The following SLCO1A2 variants were observed in gnomAD, a reference collection of about 807,000 sequenced individuals.
SLCO1A2 encodes OATP-1.
SLCO1A2 carries 67 observed loss-of-function variants against 69.0 expected under a neutral mutation model. The ratio of observed to expected loss-of-function variants is 0.97; its 90% CI spans 0.80 to 1.19. The LOEUF is 1.19. SLCO1A2 is among the 50% of genes most tolerant of loss of function. The pLI is 0.00. For missense variants in SLCO1A2, 787 were observed against 793.7 expected (o/e 0.99, Z 0.10); for synonymous variants, 260 against 265.9 (o/e 0.98, Z 0.22).
intron 1 of SLCO1A2, among the ~76,000 whole-genome samples, chr12:21,410,314 T>A (rs1941887701): frequency 6.6e-6 from 1 of 152,234 alleles, no homozygotes; most frequent in African/African-American, 2.4e-5. Context: ...CATGTGTGCC[T>A]GTGTGTATGT....
chr12:21,344,898 A>T (rs1365494570), intron 2 of SLCO1A2, among the ~76,000 whole-genome samples: 1 of 152,012 alleles, frequency 6.6e-6, no homozygotes, highest in African/African-American at 2.4e-5. Context: ...TAATTGCAAT[A>T]TTGCTTCTAC....
chr12:21,362,465 T>C lies in SLCO1A2; in HGVS notation c.-63+11934A>G, dbSNP rs117237628. On this transcript the variant is annotated intron_variant, in intron 2 of 15. Transcript: ENST00000307378. ...AAAACATGCCAAATTGTAAAGACCA[T>C]TGGTACTAGGAGGAAACTGCATCAA... Among the ~76,000 whole-genome samples, 243 of 152,172 alleles carry C rather than the reference T, an allele frequency of 1.6e-3. 2 individuals are homozygous for C. The East Asian group carries it at 0.039, about 25-fold the overall frequency.
chr12:21,294,315 T>G (rs1414996634), intron 10 of SLCO1A2: 2 of 387,398 alleles, frequency 5.2e-6, no homozygotes, highest in Non-Finnish European at 9.1e-6. Context: ...CCTTCAATGA[T>G]TTATCTCAGA....
intron 13 of SLCO1A2, chr12:21,274,920 A>ATCT: frequency 9.5e-7 from 1 of 1,054,164 alleles, no homozygotes; most frequent in Non-Finnish European, 1.1e-6. Context: ...TTATTTTCAA[A>ATCT]TCTTCAAACA....
intron 2 of SLCO1A2, chr12:21,372,883 G>A (rs1939901133): frequency 5.1e-6 from 1 of 196,072 alleles, no homozygotes; most frequent in Admixed American, 5.6e-5. Context: ...TATAAGAGCT[G>A]GATTACTAGT....
intron 4 of SLCO1A2, among the ~76,000 whole-genome samples, chr12:21,310,668 T>C (rs1024324374): frequency 6.6e-6 from 1 of 152,228 alleles, no homozygotes; most frequent in African/African-American, 2.4e-5. Flanking sequence ...AGTGGCACGA[T>C]CTCGGCGCAC....
intron 3 of SLCO1A2, among the ~76,000 whole-genome samples, chr12:21,318,245 A>C (rs1334002555): frequency 6.6e-6 from 1 of 151,830 alleles, no homozygotes; most frequent in African/African-American, 2.4e-5. Context: ...CAGCCTCCCA[A>C]GTAGCTGGGA....
intron 1 of SLCO1A2, among the ~76,000 whole-genome samples, chr12:21,402,265 G>A (rs12308181): frequency 0.053 from 8,068 of 151,758 alleles, 267 homozygotes; most frequent in African/African-American, 0.075. Flanking sequence ...TGTTTGAAAC[G>A]TATATGAGAG....
In SLCO1A2 at chr12:21,276,165, C is replaced by T. The variant is rs115493589; in HGVS notation, c.1611-741G>A. Among the ~76,000 whole-genome samples the T allele has an allele frequency of 4.2e-3, 644 of 152,170 alleles. 9 individuals are homozygous for T. The highest frequency in any genetic ancestry group is 0.015 in the African/African-American group (618 of 41,526). On this transcript the variant is annotated intron_variant, in intron 12 of 14. Coordinates refer to ENST00000683939, the MANE Select transcript of SLCO1A2 (RefSeq NM_001386879.1). ...AAGGTTTGGAAGTGAAAAGACAAAA[C>T]TTGTCATATTTGCACATTGAAAAAC... is the stretch of plus-strand genomic sequence containing the variant.
At chr12:21,334,321 G>A (rs1043966220) in intron 2 of SLCO1A2, among the ~76,000 whole-genome samples, 1 of 152,024 alleles carries the variant, frequency 6.6e-6, no homozygotes, top group African/African-American at 2.4e-5. Flanking sequence ...TCCTGCCACA[G>A]TATGTGTGCC....
chr12:21,402,102 A>C (rs1941724977), intron 1 of SLCO1A2, among the ~76,000 whole-genome samples: 1 of 150,892 alleles, frequency 6.6e-6, no homozygotes, highest in African/African-American at 2.4e-5. Flanking sequence ...AATAAGAGTA[A>C]TGTTAGGTTA....
intron 2 of SLCO1A2, among the ~76,000 whole-genome samples, chr12:21,331,205 G>A (rs191264863): frequency 5.2e-4 from 79 of 152,166 alleles, no homozygotes; most frequent in African/African-American, 1.8e-3. Context: ...GAAAGGGTGA[G>A]TGATGCCTTT....
At chr12:21,299,561 GT>G (rs928303052) in intron 8 of SLCO1A2, among the ~76,000 whole-genome samples, 223 of 143,326 alleles carry the variant, frequency 1.6e-3, no homozygotes, top group Admixed American at 2.0e-3. Context: ...CACCGATCAT[GT>G]TTTTTTTTTT....
chr12:21,386,921 A>G (rs141828007), intron 1 of SLCO1A2, among the ~76,000 whole-genome samples: 5,057 of 152,244 alleles, frequency 0.033, 131 homozygotes, highest in Non-Finnish European at 0.049. Flanking sequence ...GGAACTTCCT[A>G]GAGACTTGTT....
rs752423997 is a variant in SLCO1A2 at position 21,269,777 on chromosome 12, T to A, written c.1794-10A>T. The A allele has an allele frequency of 4.4e-6, 7 of 1,597,788 alleles. No individual in the cohort carries two copies. Among genetic ancestry groups the A allele is most frequent in the Non-Finnish European group, 6.0e-6 (7 of 1,170,792 alleles). On this transcript the variant is annotated splice_polypyrimidine_tract_variant and intron_variant, in intron 14 of 14. Coordinates refer to ENST00000683939, the MANE Select transcript of SLCO1A2 (RefSeq NM_001386879.1). ...TCCGAGGTAGATGTATCTATTTTTT[T>A]AAAAGTTAAAACATATTAAATATTA... is the stretch of plus-strand genomic sequence containing the variant.
At chr12:21,315,447 G>GT (rs1474372466) in intron 3 of SLCO1A2, among the ~76,000 whole-genome samples, 1 of 152,140 alleles carries the variant, frequency 6.6e-6, no homozygotes, top group East Asian at 1.9e-4. Context: ...ATACGAATAA[G>GT]TTTTTTGCAA....
At chr12:21,374,043 T>C (rs1376688720) in intron 2 of SLCO1A2, among the ~76,000 whole-genome samples, 2 of 152,186 alleles carry the variant, frequency 1.3e-5, no homozygotes, top group Non-Finnish European at 2.9e-5. Context: ...TTATAAAAAG[T>C]TATTCTTCTT....
At chr12:21,327,731 C>G (rs1952347140) in intron 2 of SLCO1A2, among the ~76,000 whole-genome samples, 1 of 152,050 alleles carries the variant, frequency 6.6e-6, no homozygotes. Flanking sequence ...ATGCCTGTAT[C>G]CCCATTGTAT....
intron 2 of SLCO1A2, among the ~76,000 whole-genome samples, chr12:21,373,895 A>C (rs1311472361): frequency 6.6e-6 from 1 of 152,188 alleles, no homozygotes; most frequent in Non-Finnish European, 1.5e-5. Flanking sequence ...ATCTTGTGGA[A>C]ATGGAAATGT....
Sources: gnomAD v4.1 joint callset for allele counts (sites outside exome capture counted in the v4.1 genomes callset) on GRCh38, gnomAD v4.1.1 for gene constraint, MANE v1.5 for transcripts, NCBI Gene and HGNC (gene_info 2026-07-23, HGNC 2026-07-21) for gene names.